Variants in POLR3G observed in about 807,000 individuals in gnomAD.
POLR3G encodes DNA-directed RNA polymerase III subunit RPC7.
In POLR3G, 28 loss-of-function variants were observed where a neutral mutation model predicts 30.1. That is an observed-to-expected ratio of 0.93 (90% CI 0.69 to 1.27). The LOEUF is 1.27. Ranked by LOEUF, POLR3G falls within the 50% of genes most tolerant of loss-of-function variation. The pLI is 0.00. For missense variants in POLR3G, 254 were observed against 264.6 expected, an observed-to-expected ratio of 0.96 and a Z score of 0.28; for synonymous variants, 79 against 82.5, an observed-to-expected ratio of 0.96 and a Z score of 0.23.
intron 6 of POLR3G, chr5:90,502,215 C>T: frequency 2.0e-6 from 2 of 984,834 alleles, no homozygotes; most frequent in South Asian, 4.7e-5. Flanking sequence ...CTTACCTCAC[C>T]TTCTGTCACC....
intron 2 of POLR3G, 117 bp from the exon 3 acceptor site, chr5:90,487,883 T>G (rs549921739): frequency 5.2e-6 from 4 of 766,596 alleles, no homozygotes; most frequent in Non-Finnish European, 5.7e-6. Context: ...GTTGTAAAAC[T>G]TAGTGCCTGT....
chr5:90,483,591 G>A (rs1204078895), intron 1 of POLR3G, among the ~76,000 whole-genome samples: 5 of 151,932 alleles, frequency 3.3e-5, no homozygotes, highest in Non-Finnish European at 7.4e-5. Context: ...GATCACTTGA[G>A]GTCAGGAGTT....
At chr5:90,507,997 G>A (rs1376418036) in intron 7 of POLR3G, among the ~76,000 whole-genome samples, 1 of 151,928 alleles carries the variant, frequency 6.6e-6, no homozygotes, top group Non-Finnish European at 1.5e-5. Flanking sequence ...GCACACACTA[G>A]ACCAAAGCCA....
intron 3 of POLR3G, among the ~76,000 whole-genome samples, chr5:90,489,281 A>G (rs62374156): frequency 6.7e-6 from 1 of 148,720 alleles, no homozygotes; most frequent in African/African-American, 2.5e-5. Context: ...TTTTTTGGAA[A>G]TGGGATGGAG....
intron 3 of POLR3G, among the ~76,000 whole-genome samples, chr5:90,493,006 C>G (rs1382794846): frequency 9.6e-6 from 1 of 104,160 alleles, no homozygotes; most frequent in Non-Finnish European, 2.0e-5. Flanking sequence ...TTAGATGATA[C>G]ACATATGAGA....
chr5:90,500,407 T>C (rs1369907641), intron 5 of POLR3G, among the ~76,000 whole-genome samples: 1 of 152,148 alleles, frequency 6.6e-6, no homozygotes, highest in Non-Finnish European at 1.5e-5. Context: ...CTAGTATCCC[T>C]TCAACAAAGG....
chr5:90,474,371 G>C (rs1329504237), upstream of POLR3G: 1 of 1,336,498 alleles, frequency 7.5e-7, no homozygotes, highest in Non-Finnish European at 1.1e-6. Flanking sequence ...AGGGCACTGC[G>C]GCTGTGTGAA....
At chr5:90,487,437 G>A (rs976967553) in intron 2 of POLR3G, among the ~76,000 whole-genome samples, 1 of 127,406 alleles carries the variant, frequency 7.8e-6, no homozygotes, top group Non-Finnish European at 1.6e-5. Flanking sequence ...TGTCACCCAG[G>A]CTGGAGTACA....
At chr5:90,474,390 C>T (rs917116037), upstream of POLR3G, 1 of 1,153,622 alleles carries the variant, frequency 8.7e-7, no homozygotes, top group South Asian at 1.3e-5. Context: ...AAGCGGTCTG[C>T]CTGCAGCCAG....
At chr5:90,490,240 A>G (rs1464156247) in intron 3 of POLR3G, among the ~76,000 whole-genome samples, 2 of 150,878 alleles carry the variant, frequency 1.3e-5, no homozygotes, top group Non-Finnish European at 3.0e-5. Flanking sequence ...TTTATCTTTG[A>G]TAACTATGCA....
intron 7 of POLR3G, among the ~76,000 whole-genome samples, chr5:90,509,015 C>T (rs1488761416): frequency 2.0e-5 from 3 of 152,138 alleles, no homozygotes; most frequent in Non-Finnish European, 2.9e-5. Flanking sequence ...GAGCTGAGAT[C>T]GTGCCACTGC....
In POLR3G at chr5:90,511,847, T is replaced by C. The variant is rs540135453; in HGVS notation, c.586-206T>C. ...GCTATATTATCCTATTGAGATGGTA[T>C]GGGCAACCCTTCATGTTCTCTTAGC... is the stretch of plus-strand genomic sequence containing the variant. On this transcript the variant is annotated intron_variant, in intron 7 of 7. Transcript: ENST00000651687. Among the ~76,000 whole-genome samples, 3 of 152,312 alleles carry C rather than the reference T, an allele frequency of 2.0e-5. No individual in the cohort carries two copies. In the East Asian group the frequency reaches 5.8e-4, roughly 29 times the overall value.
chr5:90,487,407 T>TG (rs1751498866), intron 2 of POLR3G, among the ~76,000 whole-genome samples: 3 of 134,964 alleles, frequency 2.2e-5, no homozygotes, highest in Non-Finnish European at 4.7e-5. Context: ...TTTTTTTTTT[T>TG]GTGAGACGGA....
rs1411764977 is a variant in POLR3G at position 90,512,501 on chromosome 5, C to G, written c.*362C>G. ...GATCTTTTGTAAAACTATTGCTAGTCATAATGGATTTCTATAACCTGAAAG... is the reference window on the plus strand; with the variant it reads ...GATCTTTTGTAAAACTATTGCTAGTGATAATGGATTTCTATAACCTGAAAG... On this transcript the variant is annotated 3_prime_UTR_variant, in exon 8 of 8. Transcript: ENST00000651687. 1 of 170,314 alleles carries G rather than the reference C, an allele frequency of 5.9e-6. No homozygotes were observed. Among genetic ancestry groups the G allele is most frequent in the Non-Finnish European group, 1.3e-5 (1 of 78,286 alleles). The allele number at this position is 170,314 out of a possible 1,614,324, so 10.6% of individuals were successfully genotyped here. A position where few individuals can be genotyped will look rare whatever the true frequency, so the allele number is the denominator to read the frequency against.
Position 90,506,691 on chromosome 5 carries a change from G to T in POLR3G, c.585+17G>T. On this transcript the variant is annotated intron_variant, in intron 7 of 7. Coordinates refer to ENST00000651687, the MANE Select transcript of POLR3G (RefSeq NM_006467.3). ...CAAGAAGAGGTAATGGTTCATTTGG[G>T]GATGGTAGCAAAATTAATAAGGTTT... 1 of 1,582,202 alleles carries T rather than the reference G, an allele frequency of 6.3e-7. No homozygotes were observed. Among genetic ancestry groups the T allele is most frequent in the African/African-American group, 1.4e-5 (1 of 73,454 alleles).
intron 1 of POLR3G, among the ~76,000 whole-genome samples, chr5:90,479,517 C>T (rs1350206348): frequency 6.6e-6 from 1 of 152,072 alleles, no homozygotes; most frequent in Non-Finnish European, 1.5e-5. Context: ...AGGTGAAACT[C>T]CTCCCCTTTG....
chr5:90,482,091 G>A (rs138321711), intron 1 of POLR3G, among the ~76,000 whole-genome samples: 11 of 152,250 alleles, frequency 7.2e-5, no homozygotes, highest in Non-Finnish European at 1.5e-4. Flanking sequence ...CAACATTAAA[G>A]ATGACAAATC....
chr5:90,491,384 A>G (rs1050590481), intron 3 of POLR3G, among the ~76,000 whole-genome samples: 1 of 152,224 alleles, frequency 6.6e-6, no homozygotes, highest in African/African-American at 2.4e-5. Flanking sequence ...TGATAGTGTC[A>G]TAAGTCATTT....
At chr5:90,505,276 A>C (rs1752430454) in intron 6 of POLR3G, among the ~76,000 whole-genome samples, 1 of 152,200 alleles carries the variant, frequency 6.6e-6, no homozygotes, top group Admixed American at 6.5e-5. Flanking sequence ...GTTTAGGAAT[A>C]ATCACATTTT....
Sources: allele counts gnomAD v4.1 joint callset (sites outside exome capture counted in the v4.1 genomes callset), GRCh38; gene constraint gnomAD v4.1.1; transcripts MANE v1.5; gene names NCBI Gene and HGNC (gene_info 2026-07-23, HGNC 2026-07-21).